The following PCDH9 variants were observed in gnomAD, a reference collection of about 807,000 sequenced individuals.
The protein encoded by PCDH9 is protocadherin-9.
PCDH9 carries 24 observed loss-of-function variants against 70.6 expected under a neutral mutation model. That is an observed-to-expected ratio of 0.34 (90% CI 0.25 to 0.48). The LOEUF (loss-of-function observed/expected upper bound fraction) is 0.48, where lower values mean the gene tolerates loss of function less well. PCDH9 is among the 20% of genes least tolerant of loss of function. PCDH9 has a pLI of 0.99. For synonymous variants in PCDH9, 562 were observed against 558.5 expected, an observed-to-expected ratio of 1.01 and a Z score of -0.09; for missense variants, 1,281 against 1,503.6, an observed-to-expected ratio of 0.85 and a Z score of 2.45.
intron 4 of PCDH9, among the ~76,000 whole-genome samples, chr13:66,524,256 T>A (rs750360890): frequency 1.3e-5 from 2 of 152,116 alleles, no homozygotes; most frequent in Non-Finnish European, 2.9e-5. Context: ...ATAAAATGGT[T>A]ATTAATTTCC....
intron 2 of PCDH9, among the ~76,000 whole-genome samples, chr13:67,148,648 G>T (rs2087582653): frequency 6.6e-6 from 1 of 151,890 alleles, no homozygotes; most frequent in Non-Finnish European, 1.5e-5. Flanking sequence ...TTATATTTCA[G>T]TCATGTTTTT....
chr13:66,468,889 A>T lies in PCDH9; in HGVS notation c.3340+162321T>A, dbSNP rs1458077639. On this transcript the variant is annotated intron_variant, in intron 4 of 4. Transcript: ENST00000377865. ...TGAAGTTACAGTCATGTCCACAAAG[A>T]TATAGTCAGGCTGCACCCAAGGAAA... 2.6e-5 allele frequency among the ~76,000 whole-genome samples: 4 copies of T among 152,068 alleles called. No homozygotes were observed. The East Asian group carries it at 7.7e-4, about 29-fold the overall frequency.
At chr13:66,817,508 TTGA>T (rs1329603032) in intron 3 of PCDH9, among the ~76,000 whole-genome samples, 9 of 152,208 alleles carry the variant, frequency 5.9e-5, no homozygotes, top group South Asian at 2.1e-4. Context: ...TTTTCTATTT[TTGA>T]TGATAATTTT....
At chr13:66,434,651 G>T (rs1957835392) in intron 4 of PCDH9, among the ~76,000 whole-genome samples, 1 of 151,824 alleles carries the variant, frequency 6.6e-6, no homozygotes, top group Admixed American at 6.6e-5. Flanking sequence ...TTAATCCTAT[G>T]GACTTAAAAT....
rs558539374 is a variant in PCDH9 at position 67,202,604 on chromosome 13, C to T, written c.3036+22801G>A. The stretch of plus-strand genomic sequence containing the variant: ...TTGGTCAGAATGAAAAGCATATACA[C>T]CTTCTGCAAGAAGTCAGGCGGCATG... On this transcript the variant is annotated intron_variant, in intron 2 of 4. Transcript: ENST00000377865. 3 of 152,204 alleles carry T rather than the reference C, an allele frequency of 2.0e-5. No homozygotes were observed. In the East Asian group the frequency reaches 5.8e-4, roughly 29 times the overall value. 9.4% of individuals were successfully genotyped at this position (152,204 alleles called of 1,614,324 possible).
chr13:66,602,389 T>C, intron 4 of PCDH9, among the ~76,000 whole-genome samples: 1 of 145,830 alleles, frequency 6.9e-6, no homozygotes, highest in East Asian at 1.9e-4. Flanking sequence ...TCTGAAGACC[T>C]TGCAGTGGGA....
chr13:66,670,019 C>T (rs1265440586), intron 3 of PCDH9, among the ~76,000 whole-genome samples: 6 of 152,132 alleles, frequency 3.9e-5, no homozygotes, highest in Non-Finnish European at 7.4e-5. Context: ...AGAGGACTTC[C>T]TTGAACACCA....
intron 2 of PCDH9, among the ~76,000 whole-genome samples, chr13:67,080,465 T>A (rs1001614654): frequency 3.9e-5 from 6 of 152,162 alleles, no homozygotes; most frequent in Non-Finnish European, 7.3e-5. Context: ...AAAAATACTA[T>A]TGTGATGGAT....
chr13:67,063,665 G>A (rs1204878961), intron 2 of PCDH9, among the ~76,000 whole-genome samples: 1 of 152,030 alleles, frequency 6.6e-6, no homozygotes, highest in Non-Finnish European at 1.5e-5. Context: ...CAAAATGCCT[G>A]TTTCATGCAT....
chr13:66,757,501 C>T (rs2079554880), intron 3 of PCDH9, among the ~76,000 whole-genome samples: 1 of 152,098 alleles, frequency 6.6e-6, no homozygotes, highest in Non-Finnish European at 1.5e-5. Context: ...TTTATTTATT[C>T]AACCAAATTC....
chr13:66,447,275 C>G (rs916545091), intron 4 of PCDH9, among the ~76,000 whole-genome samples: 6 of 152,120 alleles, frequency 3.9e-5, no homozygotes, highest in Admixed American at 6.5e-5. Flanking sequence ...TTCAACACAA[C>G]TCCACTTGAA....
At chr13:66,934,037 G>C (rs930412876) in intron 2 of PCDH9, among the ~76,000 whole-genome samples, 2 of 151,992 alleles carry the variant, frequency 1.3e-5, no homozygotes, top group African/African-American at 4.8e-5. Flanking sequence ...TACAAATCAT[G>C]CTGACAAATA....
chr13:66,352,383 AT>A (rs1338227710), intron 4 of PCDH9, among the ~76,000 whole-genome samples: 1 of 152,138 alleles, frequency 6.6e-6, no homozygotes, highest in Non-Finnish European at 1.5e-5. Flanking sequence ...TCATAACAAA[AT>A]GCCACCAACT....
At chr13:67,040,599 T>C (rs948798212) in intron 2 of PCDH9, among the ~76,000 whole-genome samples, 1 of 152,110 alleles carries the variant, frequency 6.6e-6, no homozygotes, top group Non-Finnish European at 1.5e-5. Flanking sequence ...CCTCCAGCAC[T>C]CTGAGAAATA....
chr13:67,212,082 T>G (rs1225182205), intron 2 of PCDH9: 2 of 152,122 alleles, frequency 1.3e-5, no homozygotes, highest in African/African-American at 4.8e-5. Flanking sequence ...AGTAAAAAAA[T>G]GAAGTTTTAC....
intron 3 of PCDH9, among the ~76,000 whole-genome samples, chr13:66,688,817 C>T (rs187465811): frequency 1.3e-5 from 2 of 152,000 alleles, no homozygotes; most frequent in South Asian, 2.1e-4. Context: ...ATTTCCCTTC[C>T]GAACACCCCT....
At chr13:66,672,621 A>G (rs533173337) in intron 3 of PCDH9, among the ~76,000 whole-genome samples, 1 of 152,200 alleles carries the variant, frequency 6.6e-6, no homozygotes, top group East Asian at 1.9e-4. Flanking sequence ...GAAAAGCTGC[A>G]CACACTCAAC....
chr13:66,532,289 C>G (rs1054211591), intron 4 of PCDH9, among the ~76,000 whole-genome samples: 5 of 151,868 alleles, frequency 3.3e-5, no homozygotes, highest in Non-Finnish European at 7.4e-5. Context: ...TGGGCATGAG[C>G]CTTGTATTTA....
intron 4 of PCDH9, among the ~76,000 whole-genome samples, chr13:66,457,949 GTTGTTT>G (rs1486410879): frequency 6.6e-6 from 1 of 151,866 alleles, no homozygotes; most frequent in Non-Finnish European, 1.5e-5. Flanking sequence ...TTTGCTGTCT[GTTGTTT>G]TTAAGTTTTG....
Sources: allele counts gnomAD v4.1 joint callset (sites outside exome capture counted in the v4.1 genomes callset), GRCh38; gene constraint gnomAD v4.1.1; transcripts MANE v1.5; gene names NCBI Gene and HGNC (gene_info 2026-07-23, HGNC 2026-07-21).